The following CDC42BPA variants were observed in gnomAD, a reference collection of about 807,000 sequenced individuals.
CDC42BPA encodes serine/threonine-protein kinase MRCK alpha.
CDC42BPA carries 80 observed loss-of-function variants against 223.5 expected under a neutral mutation model. That is an observed-to-expected ratio of 0.36 (90% CI 0.30 to 0.43). The LOEUF is 0.43. Ranked by LOEUF, CDC42BPA falls within the 20% of genes least tolerant of loss-of-function variation. The pLI is 1.00. For synonymous variants in CDC42BPA, 694 were observed against 718.6 expected, an observed-to-expected ratio of 0.97 and a Z score of 0.55; for missense variants, 1,743 against 2,099.9, an observed-to-expected ratio of 0.83 and a Z score of 3.32.
intron 1 of CDC42BPA, among the ~76,000 whole-genome samples, chr1:227,308,835 T>A (rs1415277425): frequency 6.6e-6 from 1 of 152,208 alleles, no homozygotes; most frequent in Non-Finnish European, 1.5e-5. Flanking sequence ...TCACTATGAA[T>A]AGACCAAATT....
chr1:227,304,107 A>G (rs1257681240), intron 1 of CDC42BPA, among the ~76,000 whole-genome samples: 1 of 152,210 alleles, frequency 6.6e-6, no homozygotes. Context: ...TCATATAAGA[A>G]ATCACTTTTG....
At chr1:227,095,161 C>A (rs1016198847) in intron 15 of CDC42BPA, among the ~76,000 whole-genome samples, 1 of 152,202 alleles carries the variant, frequency 6.6e-6, no homozygotes, top group African/African-American at 2.4e-5. Flanking sequence ...TTAAAAGTCA[C>A]ACTCATTTAC....
intron 31 of CDC42BPA, among the ~76,000 whole-genome samples, chr1:227,024,319 G>T (rs1027515880): frequency 2.0e-5 from 3 of 152,126 alleles, no homozygotes; most frequent in African/African-American, 7.2e-5. Context: ...CCTGACAATG[G>T]AAAGTACTAG....
intron 2 of CDC42BPA, among the ~76,000 whole-genome samples, chr1:227,248,786 G>A (rs1380465071): frequency 6.6e-6 from 1 of 151,698 alleles, no homozygotes; most frequent in African/African-American, 2.4e-5. Flanking sequence ...AACTGAAGAG[G>A]ACACAAAAAA....
intron 9 of CDC42BPA, among the ~76,000 whole-genome samples, chr1:227,140,893 A>T (rs1299765278): frequency 6.6e-6 from 1 of 152,228 alleles, no homozygotes; most frequent in Non-Finnish European, 1.5e-5. Context: ...TACAGAGTTT[A>T]GATGGAAAAG....
intron 1 of CDC42BPA, among the ~76,000 whole-genome samples, chr1:227,278,473 C>T (rs936615664): frequency 3.3e-5 from 5 of 152,134 alleles, no homozygotes; most frequent in Admixed American, 3.3e-4. Flanking sequence ...GAAGGGAATA[C>T]TAGGAAGTTA....
intron 34 of CDC42BPA, among the ~76,000 whole-genome samples, chr1:227,008,501 A>G (rs559295029): frequency 7.2e-5 from 11 of 152,196 alleles, no homozygotes; most frequent in Non-Finnish European, 1.5e-4. Flanking sequence ...TTAAGTTATA[A>G]TAAAAGTCTA....
chr1:227,020,902 A>G (rs746324370), intron 32 of CDC42BPA, among the ~76,000 whole-genome samples: 3 of 152,130 alleles, frequency 2.0e-5, no homozygotes, highest in Non-Finnish European at 2.9e-5. Flanking sequence ...CTTCAGTTGA[A>G]CACTTAAGAG....
chr1:227,271,853 G>A (rs779088643), intron 1 of CDC42BPA, among the ~76,000 whole-genome samples: 1 of 151,928 alleles, frequency 6.6e-6, no homozygotes, highest in Non-Finnish European at 1.5e-5. Flanking sequence ...GCCTTCTTTC[G>A]AGCATCCTCA....
chr1:227,072,224 C>T lies in CDC42BPA; in HGVS notation c.2811G>A (p.Glu937=), dbSNP rs763915946. 4 of 1,600,584 alleles carry T rather than the reference C, an allele frequency of 2.5e-6. No individual in the cohort carries two copies. The highest frequency in any genetic ancestry group is 3.4e-6 in the Non-Finnish European group (4 of 1,168,922). ...EIEQLIKDTE[E]LRSEKGIEHQ... ...CTCCCATACCCTTTTCAGATCTAAG[C>T]TCTTCAGTGTCCTTTATCAGCTGTT... is the stretch of plus-strand genomic sequence containing the variant. Residue 937 remains glutamate, a synonymous_variant, in exon 20 of 37, where the codon GAG becomes GAA. Coordinates refer to ENST00000366766, the MANE Select transcript of CDC42BPA (RefSeq NM_001394014.1).
chr1:227,223,175 T>G (rs1676243585), intron 2 of CDC42BPA, among the ~76,000 whole-genome samples: 1 of 149,156 alleles, frequency 6.7e-6, no homozygotes, highest in African/African-American at 2.4e-5. Flanking sequence ...CACAGTGAAC[T>G]CCAGAAAAAA....
intron 2 of CDC42BPA, among the ~76,000 whole-genome samples, chr1:227,253,653 T>G (rs1682553441): frequency 7.4e-6 from 1 of 134,908 alleles, no homozygotes; most frequent in African/African-American, 3.4e-5. Context: ...CATACATTCA[T>G]ACATAAAATA....
intron 1 of CDC42BPA, among the ~76,000 whole-genome samples, chr1:227,254,898 T>C (rs1233417797): frequency 6.6e-6 from 1 of 152,088 alleles, no homozygotes; most frequent in Admixed American, 6.6e-5. Context: ...ATGTAGATAT[T>C]CCAGGCAAGA....
Position 226,991,940 on chromosome 1 carries a change from G to A in CDC42BPA, c.*2328C>T, listed in dbSNP as rs916418280. On this transcript the variant is annotated 3_prime_UTR_variant, in exon 37 of 37. Transcript: ENST00000366766. ...AGAAGGGAGAGAGGAGAAGGCAAGGGGAAAGGGAAGAGGAGGATGGGGAGG... is the reference window on the plus strand; with the variant it reads ...AGAAGGGAGAGAGGAGAAGGCAAGGAGAAAGGGAAGAGGAGGATGGGGAGG... 18 of 143,632 alleles carry A rather than the reference G, an allele frequency of 1.3e-4. No individual in the cohort carries two copies. The highest frequency in any genetic ancestry group is 9.7e-4 in the Admixed American group (14 of 14,364). The allele number at this position is 143,632 out of a possible 1,614,324, so 8.9% of individuals were successfully genotyped here. A position where few individuals can be genotyped will look rare whatever the true frequency, so the allele number is the denominator to read the frequency against.
At position 227,030,398 on chromosome 1, in the gene CDC42BPA, T is replaced by C. The variant is rs182075629; in HGVS notation, c.3838+10A>G. 2,157 of 1,567,072 alleles carry C rather than the reference T, an allele frequency of 1.4e-3. 13 individuals carry two copies. Among genetic ancestry groups the C allele is most frequent in the South Asian group, 1.2e-3 (97 of 83,792 alleles). ...TAAAATTACTCCAAAAAAAAAAAGT[T>C]TTCTCTTACCATCTTTGGTGACATG... On this transcript the variant is annotated intron_variant, in intron 29 of 36. Coordinates refer to ENST00000366766, the MANE Select transcript of CDC42BPA (RefSeq NM_001394014.1).
At chr1:227,183,398 T>C (rs895522277) in intron 5 of CDC42BPA, 1 of 152,184 alleles carries the variant, frequency 6.6e-6, no homozygotes, top group African/African-American at 2.4e-5. Flanking sequence ...CTGTTCTCTA[T>C]CTCTGTAATT....
intron 26 of CDC42BPA, among the ~76,000 whole-genome samples, chr1:227,034,448 C>T (rs146406590): frequency 1.3e-5 from 2 of 152,274 alleles, no homozygotes; most frequent in Admixed American, 1.3e-4. Context: ...TAACTCCTAG[C>T]CCCTCACACT....
chr1:227,301,402 C>T (rs1691602407), intron 1 of CDC42BPA, among the ~76,000 whole-genome samples: 3 of 151,460 alleles, frequency 2.0e-5, no homozygotes, highest in Admixed American at 2.0e-4. Flanking sequence ...ACTCTGTCGC[C>T]AAGCTAGAGT....
At chr1:227,143,163 T>C (rs1266970933) in intron 8 of CDC42BPA, 139 bp from the exon 9 acceptor site, 2 of 448,894 alleles carry the variant, frequency 4.5e-6, no homozygotes, top group Non-Finnish European at 7.8e-6. Context: ...AAGTTTGGTA[T>C]AGTTGTTTAG....
Sources: allele counts gnomAD v4.1 joint callset (sites outside exome capture counted in the v4.1 genomes callset), GRCh38; gene constraint gnomAD v4.1.1; transcripts MANE v1.5; gene names NCBI Gene and HGNC (gene_info 2026-07-23, HGNC 2026-07-21).